PRR12: variants seen among roughly 807,000 people sequenced by gnomAD.
PRR12 encodes the protein proline-rich protein 12.
A neutral mutation model predicts 138.0 loss-of-function variants in PRR12; 12 were observed. The ratio of observed to expected loss-of-function variants is 0.09; its 90% CI spans 0.06 to 0.14. The LOEUF is 0.14. Ranked by LOEUF, PRR12 falls within the 10% of genes least tolerant of loss-of-function variation. PRR12 has a pLI of 1.00. For synonymous variants in PRR12, 1,567 were observed against 1,291.7 expected, an observed-to-expected ratio of 1.21 and a Z score of -4.57; for missense variants, 2,692 against 2,861.3, an observed-to-expected ratio of 0.94 and a Z score of 1.35.
In PRR12 at chr19:49,616,178, C is replaced by T; in HGVS notation, c.5456C>T (p.Ser1819Phe). Residue 1819 changes from serine (S) to phenylalanine (F), a missense_variant, in exon 9 of 14, where the codon TCC becomes TTC. Physicochemically the swap from Ser to Phe is radical, Grantham distance 155. Transcript: ENST00000418929. The surrounding 1 kb of genome is among the most constrained non-coding windows in gnomAD (Gnocchi z 4.2). ...GCAGGCGGGGGCCCACCAGGCAGCT[C>T]CTCGGACTCGGAGTCCTCCCCTGGA... ...ATAGGGPPGS[S>F]SDSESSPGAP... The T allele has an allele frequency of 6.4e-7, 1 of 1,554,624 alleles. No homozygotes were observed. The highest frequency in any genetic ancestry group is 8.7e-7 in the Non-Finnish European group (1 of 1,149,408).
chr19:49,602,017 C>A, intron 6 of PRR12, 99 bp downstream of exon 6: 1 of 1,426,670 alleles, frequency 7.0e-7, no homozygotes, highest in Non-Finnish European at 9.4e-7. Context: ...ACCTGCAGAT[C>A]CAGTCGTGGC....
intron 5 of PRR12, 136 bp downstream of exon 5, chr19:49,600,074 C>T: frequency 2.0e-6 from 2 of 1,025,298 alleles, no homozygotes; most frequent in Non-Finnish European, 2.7e-6. Context: ...TATGAAGGGA[C>T]TTTCCTGATT....
At chr19:49,604,793 G>A (rs993470839) in intron 6 of PRR12, among the ~76,000 whole-genome samples, 3 of 152,102 alleles carry the variant, frequency 2.0e-5, no homozygotes, top group African/African-American at 7.2e-5. Flanking sequence ...TACTAGTAGC[G>A]TTTTACAGGG....
chr19:49,625,369 G>A lies in PRR12; in HGVS notation c.5965-92G>A. The A allele has an allele frequency of 2.1e-6, 3 of 1,454,638 alleles. No individual in the cohort carries two copies. Among genetic ancestry groups the A allele is most frequent in the Non-Finnish European group, 2.8e-6 (3 of 1,078,830 alleles). 90.1% of individuals were successfully genotyped at this position (1,454,638 alleles called of 1,614,324 possible). ...CCAGCCCTGGTCTCCCTGGGACACT[G>A]ACATCTGACACCCCAGGCCCCATGC... On this transcript the variant is annotated intron_variant, in intron 13 of 13. Transcript: ENST00000418929. This position sits in a 1 kb window ranked among gnomAD's most constrained non-coding sequence, Gnocchi z 5.5.
intron 6 of PRR12, among the ~76,000 whole-genome samples, chr19:49,610,350 A>T (rs1202893192): frequency 6.6e-6 from 1 of 152,098 alleles, no homozygotes; most frequent in African/African-American, 2.4e-5. Flanking sequence ...CGCACTGCTT[A>T]CACCACATGT....
rs1199838677 is a variant in PRR12, at chr19:49,594,187, C to T, written c.200-267C>T. 6.6e-6 allele frequency among the ~76,000 whole-genome samples: 1 copy of T among 152,206 alleles called. No individual in the cohort carries two copies. Among genetic ancestry groups the T allele is most frequent in the African/African-American group, 2.4e-5 (1 of 41,458 alleles). On this transcript the variant is annotated intron_variant, in intron 2 of 13. Transcript: ENST00000418929. This position sits in a 1 kb window ranked among gnomAD's most constrained non-coding sequence, Gnocchi z 5.6. ...GCTCTTTCGCTTCTAGATTTTTCTACACTTTTGTCTACCATTTCCTACCTG... is the reference window on the plus strand; with the variant it reads ...GCTCTTTCGCTTCTAGATTTTTCTATACTTTTGTCTACCATTTCCTACCTG...
In PRR12 at chr19:49,595,970, G is replaced by A; in HGVS notation, c.1635G>A (p.Gly545=). 2 of 1,600,548 alleles carry A rather than the reference G, an allele frequency of 1.2e-6. No homozygotes were observed. Among genetic ancestry groups the A allele is most frequent in the Non-Finnish European group, 1.7e-6 (2 of 1,179,644 alleles). ...TGHSPALSGH[G]GGWGPSSLGG... ...ATTCCCCAGCGCTCTCGGGCCATGG[G>A]GGTGGCTGGGGACCCAGCTCCCTGG... is the stretch of plus-strand genomic sequence containing the variant. The change falls in exon 4 of 14, where the codon GGG becomes GGA. Residue 545 remains glycine, a synonymous_variant. Coordinates refer to ENST00000418929, the MANE Select transcript of PRR12 (RefSeq NM_020719.3).
Position 49,620,226 on chromosome 19 carries a change from AG to A in PRR12, c.5498-125del. On this transcript the variant is annotated intron_variant, in intron 9 of 13. Transcript: ENST00000418929. Reference sequence around the variant, plus strand: ...TGGCGCTTGCCTGTCAATCTTCCCTAGCGGACTTGGACCTCCCAAAAGCAGG... The same window carrying A: ...TGGCGCTTGCCTGTCAATCTTCCCTACGGACTTGGACCTCCCAAAAGCAGG... The A allele has an allele frequency of 3.1e-6, 4 of 1,283,696 alleles. No homozygotes were observed. The South Asian group carries it at 4.3e-5, about 14-fold the overall frequency. The allele number at this position is 1,283,696 out of a possible 1,614,324, so 79.5% of individuals were successfully genotyped here. A position where few individuals can be genotyped will look rare whatever the true frequency, so the allele number is the denominator to read the frequency against.
chr19:49,602,139 G>A lies in PRR12; in HGVS notation c.4773+221G>A, dbSNP rs539606810. Among the ~76,000 whole-genome samples, 3 of 152,286 alleles carry A rather than the reference G, an allele frequency of 2.0e-5. No individual in the cohort carries two copies. The South Asian group carries it at 6.2e-4, about 32-fold the overall frequency. ...CTGTACATGCATTACCTGTATATAA[G>A]GTAAAGCGATTGTTAACGCGTATGT... On this transcript the variant is annotated intron_variant, in intron 6 of 13. Coordinates refer to ENST00000418929, the MANE Select transcript of PRR12 (RefSeq NM_020719.3).
At chr19:49,622,089 G>A (rs895435958) in intron 11 of PRR12, among the ~76,000 whole-genome samples, 1 of 152,168 alleles carries the variant, frequency 6.6e-6, no homozygotes, top group African/African-American at 2.4e-5. Flanking sequence ...TGGGATGTTA[G>A]TGTGGCACTG....
rs199894425 is a variant in PRR12 at position 49,596,000 on chromosome 19, C to T, written c.1665C>T (p.Gly555=). The T allele has an allele frequency of 1.9e-4, 310 of 1,600,884 alleles. No individual in the cohort carries two copies. In the African/African-American group the frequency reaches 3.4e-3, roughly 17 times the overall value. The part of the protein sequence containing the change: ...GGGWGPSSLG[G]GGEASPSHII... Reference sequence around the variant, plus strand: ...GCTGGGGACCCAGCTCCCTGGGAGGCGGCGGTGAGGCCAGCCCATCTCACA... The same window carrying T: ...GCTGGGGACCCAGCTCCCTGGGAGGTGGCGGTGAGGCCAGCCCATCTCACA... The change falls in exon 4 of 14, where the codon GGC becomes GGT. Residue 555 remains glycine (G), a synonymous_variant. Coordinates refer to ENST00000418929, the MANE Select transcript of PRR12 (RefSeq NM_020719.3).
intron 5 of PRR12, among the ~76,000 whole-genome samples, chr19:49,600,778 T>TGCAACCTCTGCCTTCCGCTCACC (rs1404351225): frequency 1.3e-5 from 2 of 151,988 alleles, no homozygotes; most frequent in Non-Finnish European, 2.9e-5. Flanking sequence ...CTTGGCTCAC[T>TGCAACCTCTGCCTTCCGCTCACC]GCAACCTCTG....
In PRR12 at chr19:49,625,751, G is replaced by A. The variant is rs1202524843; in HGVS notation, c.*144G>A. On this transcript the variant is annotated 3_prime_UTR_variant, in exon 14 of 14. Transcript: ENST00000418929. The surrounding 1 kb of genome is among the most constrained non-coding windows in gnomAD (Gnocchi z 5.5). ...GTGTGTCTGTGCTGCCCCCTCCAGGGCAGGGTTCAAAGTCCGACTCCCCCC... is the reference window on the plus strand; with the variant it reads ...GTGTGTCTGTGCTGCCCCCTCCAGGACAGGGTTCAAAGTCCGACTCCCCCC... 1.7e-6 allele frequency: 2 copies of A among 1,155,278 alleles called. No individual in the cohort carries two copies. Among genetic ancestry groups the A allele is most frequent in the Non-Finnish European group, 2.3e-6 (2 of 873,296 alleles). The allele number at this position is 1,155,278 out of a possible 1,614,324, so 71.6% of individuals were successfully genotyped here.
rs776861471 is a variant in PRR12 at position 49,595,106 on chromosome 19, T to TGCC, written c.773_775dup (p.Ala258dup). 3 of 1,611,272 alleles carry TGCC rather than the reference T, an allele frequency of 1.9e-6. No individual in the cohort carries two copies. Among genetic ancestry groups the TGCC allele is most frequent in the East Asian group, 2.2e-5 (1 of 44,780 alleles). On this transcript the variant is annotated inframe_insertion, in exon 4 of 14. Coordinates refer to ENST00000418929, the MANE Select transcript of PRR12 (RefSeq NM_020719.3). Reference sequence around the variant, plus strand: ...CTTCCTCTTCCGCTGCCGCCGCCGCTGCCGAGCAGTCCTCCCCACAGCTCT... The same window carrying TGCC: ...CTTCCTCTTCCGCTGCCGCCGCCGCTGCCGCCGAGCAGTCCTCCCCACAGCTCT...
At position 49,591,634 on chromosome 19, in the gene PRR12, A is replaced by G. The variant is rs1424844399; in HGVS notation, c.-21A>G. The stretch of plus-strand genomic sequence containing the variant: ...TCCCTCCCTCCCTCCCCCTCCCCCC[A>G]ATTTCCACCGCGGCCAATTCATGGA... On this transcript the variant is annotated 5_prime_UTR_variant, in exon 1 of 14. Transcript: ENST00000418929. 3 of 187,262 alleles carry G rather than the reference A, an allele frequency of 1.6e-5. No individual in the cohort carries two copies. The highest frequency in any genetic ancestry group is 3.5e-4 in the Admixed American group (2 of 5,788). The allele number at this position is 187,262 out of a possible 1,614,324, so 11.6% of individuals were successfully genotyped here. A position where few individuals can be genotyped will look rare whatever the true frequency, so the allele number is the denominator to read the frequency against.
chr19:49,608,751 A>C (rs187858895), intron 6 of PRR12, among the ~76,000 whole-genome samples: 133 of 151,936 alleles, frequency 8.8e-4, no homozygotes, highest in Admixed American at 2.6e-3. Flanking sequence ...GACGTGGGAG[A>C]ATCACCTGAG....
At chr19:49,604,061 C>T (rs1049203936) in intron 6 of PRR12, among the ~76,000 whole-genome samples, 2 of 152,052 alleles carry the variant, frequency 1.3e-5, no homozygotes, top group African/African-American at 2.4e-5. Context: ...CCTTGTGATC[C>T]ACCCATCTCG....
In PRR12 at chr19:49,594,545, C is replaced by G. The variant is rs750754903; in HGVS notation, c.291C>G (p.Ser97=). Residue 97 remains serine (S), a synonymous_variant, in exon 3 of 14, where the codon TCC becomes TCG. Transcript: ENST00000418929. The surrounding 1 kb of genome is among the most constrained non-coding windows in gnomAD (Gnocchi z 5.6). ...SVMNLISALE[S]RGPQPGPSAS... ...TGAACCTTATCTCGGCCCTGGAATCCCGGGGCCCCCAGCCTGGCCCCTCCG... is the reference window on the plus strand; with the variant it reads ...TGAACCTTATCTCGGCCCTGGAATCGCGGGGCCCCCAGCCTGGCCCCTCCG... 5.0e-6 allele frequency: 8 copies of G among 1,612,964 alleles called. No homozygotes were observed. The highest frequency in any genetic ancestry group is 6.8e-6 in the Non-Finnish European group (8 of 1,179,476).
chr19:49,609,130 A>G (rs942001300), intron 6 of PRR12, among the ~76,000 whole-genome samples: 14 of 152,114 alleles, frequency 9.2e-5, no homozygotes, highest in Non-Finnish European at 5.9e-5. Context: ...CCTAGTCAAC[A>G]TGGCGAAATC....
Sources: gnomAD v4.1 joint callset for allele counts (sites outside exome capture counted in the v4.1 genomes callset) on GRCh38, gnomAD v4.1.1 for gene constraint, Gnocchi (gnomAD v3.1) non-coding constraint, MANE v1.5 for transcripts, NCBI Gene and HGNC (gene_info 2026-07-23, HGNC 2026-07-21) for gene names.